ARHGAP21: variants seen among roughly 807,000 people sequenced by gnomAD.
ARHGAP21 encodes Rho GTPase activating protein 21, also known as rho GTPase-activating protein 21.
A neutral mutation model predicts 164.6 loss-of-function variants in ARHGAP21; 38 were observed. That is an observed-to-expected ratio of 0.23 (90% confidence interval 0.18 to 0.30). The LOEUF is 0.30. Among genes scored for constraint, ARHGAP21 ranks in the 10% least tolerant of loss-of-function variants. The pLI is 1.00. For synonymous variants in ARHGAP21, 766 were observed against 857.9 expected, an observed-to-expected ratio of 0.89 and a Z score of 1.87; for missense variants, 1,822 against 2,370.7, an observed-to-expected ratio of 0.77 and a Z score of 4.81.
chr10:24,589,366 G>A, intron 24 of ARHGAP21, 64 bp from the exon 25 acceptor site: 2 of 1,439,526 alleles, frequency 1.4e-6, no homozygotes, highest in Non-Finnish European at 9.6e-7. Context: ...CACAAACAAT[G>A]CAAAACTTAT....
chr10:24,693,445 G>A (rs535100813), intron 2 of ARHGAP21, among the ~76,000 whole-genome samples: 11 of 151,772 alleles, frequency 7.2e-5, no homozygotes, highest in Admixed American at 2.0e-4. Context: ...CTGCCTCCCC[G>A]GTACAAGCAA....
At chr10:24,617,699 AAGCTATCAATAGCTTTACAATTGAT>A (rs1834100126) in intron 9 of ARHGAP21, among the ~76,000 whole-genome samples, 3 of 116,976 alleles carry the variant, frequency 2.6e-5, no homozygotes, top group Admixed American at 1.7e-4. Flanking sequence ...AACATTTTTA[AAGCTATCAATAGCTTTACAATTGAT>A]AGCTTTAAAA....
chr10:24,584,015 G>GT lies in ARHGAP21; in HGVS notation c.*396dup. The GT allele has an allele frequency of 6.5e-6, 1 of 152,854 alleles. No homozygotes were observed. The highest frequency in any genetic ancestry group is 2.1e-4 in the South Asian group (1 of 4,822). The allele number at this position is 152,854 out of a possible 1,614,324, so 9.5% of individuals were successfully genotyped here. A position where few individuals can be genotyped will look rare whatever the true frequency, so the allele number is the denominator to read the frequency against. ...AAACGCATTCGTTTATTCAATGTAA[G>GT]TAAGTTATCTAATTTTAACAATATG... is the stretch of plus-strand genomic sequence containing the variant. On this transcript the variant is annotated 3_prime_UTR_variant, in exon 26 of 26. Transcript: ENST00000396432.
chr10:24,660,386 TAAAAAAAAAAA>T (rs56053080), intron 4 of ARHGAP21, among the ~76,000 whole-genome samples: 2 of 60,066 alleles, frequency 3.3e-5, no homozygotes, highest in Admixed American at 2.6e-4. Flanking sequence ...CTCTCTCTCT[TAAAAAAAAAAA>T]AAAAAAAAAA....
Position 24,584,775 on chromosome 10 carries a change from T to C in ARHGAP21, c.5514A>G (p.Leu1838=). The C allele has an allele frequency of 9.9e-6, 16 of 1,613,998 alleles. No individual in the cohort carries two copies. The highest frequency in any genetic ancestry group is 1.4e-5 in the Non-Finnish European group (16 of 1,179,876). The part of the protein sequence containing the change: ...RESELSAVNR[L]KPKCSAQDLS... ...GGTCCTGGGCTGAGCATTTTGGTTT[T>C]AACCGGTTTACAGCTGAAAGTTCAG... Residue 1838 remains leucine (L), a synonymous_variant, in exon 26 of 26, where the codon TTA becomes TTG. Transcript: ENST00000396432.
intron 2 of ARHGAP21, among the ~76,000 whole-genome samples, chr10:24,692,419 G>A (rs894417823): frequency 1.4e-4 from 21 of 152,296 alleles, no homozygotes; most frequent in African/African-American, 5.1e-4. Context: ...CAAATTTTAA[G>A]TAATTTTAAT....
chr10:24,628,983 T>TATATATATATATATATA (rs58780222), intron 7 of ARHGAP21: 36 of 11,188 alleles, frequency 3.2e-3, no homozygotes, highest in African/African-American at 6.5e-3. Flanking sequence ...TATATATATA[T>TATATATATATATATATA]TTTTTTTTTT....
intron 2 of ARHGAP21, among the ~76,000 whole-genome samples, chr10:24,717,689 C>A (rs928385122): frequency 1.3e-5 from 2 of 152,122 alleles, no homozygotes; most frequent in Non-Finnish European, 2.9e-5. Context: ...TACCAAAGTC[C>A]TTTCAGACTT....
chr10:24,605,893 C>T (rs868193158), intron 11 of ARHGAP21: 5 of 152,030 alleles, frequency 3.3e-5, no homozygotes, highest in Non-Finnish European at 5.9e-5. Context: ...AATAGAACCT[C>T]GTGTACATTA....
intron 12 of ARHGAP21, among the ~76,000 whole-genome samples, chr10:24,603,133 C>A (rs1032598124): frequency 6.6e-6 from 1 of 152,144 alleles, no homozygotes; most frequent in Admixed American, 6.5e-5. Context: ...CTGAGGAAAT[C>A]GGGGTAGATA....
intron 2 of ARHGAP21, among the ~76,000 whole-genome samples, chr10:24,704,242 G>A (rs1187045548): frequency 6.6e-6 from 1 of 150,544 alleles, no homozygotes; most frequent in African/African-American, 2.4e-5. Flanking sequence ...CACAGGAGAT[G>A]TCATATGCCA....
At chr10:24,655,579 A>C (rs1383942395) in intron 4 of ARHGAP21, among the ~76,000 whole-genome samples, 1 of 151,692 alleles carries the variant, frequency 6.6e-6, no homozygotes, top group Non-Finnish European at 1.5e-5. Flanking sequence ...GGCAAGGAGC[A>C]GCCGCCTGCC....
chr10:24,636,675 C>A (rs1350122309), intron 4 of ARHGAP21, among the ~76,000 whole-genome samples: 1 of 152,178 alleles, frequency 6.6e-6, no homozygotes, highest in Non-Finnish European at 1.5e-5. Context: ...CTATCACTAG[C>A]TCCCCTTAAA....
At chr10:24,695,283 T>G (rs972463737) in intron 2 of ARHGAP21, among the ~76,000 whole-genome samples, 9 of 152,034 alleles carry the variant, frequency 5.9e-5, no homozygotes, top group African/African-American at 2.2e-4. Context: ...ATAAATAGAA[T>G]CTAGGGTGGG....
intron 9 of ARHGAP21, among the ~76,000 whole-genome samples, chr10:24,618,752 T>C (rs1334660102): frequency 1.3e-5 from 2 of 152,088 alleles, no homozygotes; most frequent in African/African-American, 4.8e-5. Flanking sequence ...AGGCAGACCA[T>C]GGAGGGCCTT....
intron 2 of ARHGAP21, among the ~76,000 whole-genome samples, chr10:24,697,460 C>T (rs2132079994): frequency 6.6e-6 from 1 of 152,168 alleles, no homozygotes; most frequent in African/African-American, 2.4e-5. Context: ...CCCCTCGTTT[C>T]CTTTCAGTTC....
At chr10:24,702,903 G>T (rs1177291020) in intron 2 of ARHGAP21, among the ~76,000 whole-genome samples, 1 of 152,070 alleles carries the variant, frequency 6.6e-6, no homozygotes, top group Non-Finnish European at 1.5e-5. Flanking sequence ...AAAACACAAA[G>T]ATATTCACCA....
chr10:24,588,952 G>T (rs2076219287), intron 25 of ARHGAP21, among the ~76,000 whole-genome samples: 1 of 152,076 alleles, frequency 6.6e-6, no homozygotes, highest in Admixed American at 6.6e-5. Context: ...TGGAGATGAA[G>T]ATGGGTGCAG....
At chr10:24,624,950 A>C (rs1304626120) in intron 7 of ARHGAP21, among the ~76,000 whole-genome samples, 1 of 147,912 alleles carries the variant, frequency 6.8e-6, no homozygotes, top group African/African-American at 2.5e-5. Context: ...CCTTGTACTT[A>C]AGTATTACAC....
Sources: gnomAD v4.1 joint callset for allele counts (sites outside exome capture counted in the v4.1 genomes callset) on GRCh38, gnomAD v4.1.1 for gene constraint, MANE v1.5 for transcripts, NCBI Gene and HGNC (gene_info 2026-07-23, HGNC 2026-07-21) for gene names.